Variants in FAM222B observed in about 807,000 individuals in gnomAD.
The protein encoded by FAM222B is family with sequence similarity 222 member B, also known as protein FAM222B.
In FAM222B, 12 loss-of-function variants were observed where a neutral mutation model predicts 38.0. The observed-to-expected ratio is 0.32, with a 90% CI of 0.20 to 0.51. FAM222B has a LOEUF of 0.51. FAM222B is among the 20% of genes least tolerant of loss of function. FAM222B has a pLI of 0.97. For missense variants in FAM222B, 716 were observed against 754.2 expected, an observed-to-expected ratio of 0.95 and a Z score of 0.59; for synonymous variants, 329 against 317.2, an observed-to-expected ratio of 1.04 and a Z score of -0.40.
At chr17:28,851,925 AT>A (rs1469612237) in intron 1 of FAM222B, among the ~76,000 whole-genome samples, 5 of 151,232 alleles carry the variant, frequency 3.3e-5, no homozygotes, top group Non-Finnish European at 7.4e-5. Context: ...GGTCAGGCAC[AT>A]CTGTAGTCCC....
At chr17:28,787,296 T>C (rs1597916094) in intron 1 of FAM222B, among the ~76,000 whole-genome samples, 1 of 152,134 alleles carries the variant, frequency 6.6e-6, no homozygotes, top group East Asian at 1.9e-4. Context: ...TATAAGGTAA[T>C]ACAGAAAGAC....
chr17:28,784,371 G>C (rs1416388245), intron 1 of FAM222B, among the ~76,000 whole-genome samples: 1 of 151,294 alleles, frequency 6.6e-6, no homozygotes, highest in Non-Finnish European at 1.5e-5. Context: ...AACGACTTAG[G>C]AGGCTGAGAG....
intron 1 of FAM222B, among the ~76,000 whole-genome samples, chr17:28,777,332 G>C (rs971955200): frequency 7.9e-5 from 12 of 152,066 alleles, no homozygotes; most frequent in African/African-American, 2.7e-4. Flanking sequence ...TTCCCATCCT[G>C]TTTCCTGTCC....
intron 1 of FAM222B, among the ~76,000 whole-genome samples, chr17:28,786,240 C>T (rs1018615926): frequency 1.3e-5 from 2 of 152,118 alleles, no homozygotes; most frequent in African/African-American, 4.8e-5. Context: ...CATTCTTATG[C>T]TTTGGCTAGC....
In FAM222B at chr17:28,759,060, C is replaced by A. The variant is rs753661690; in HGVS notation, c.899G>T (p.Arg300Leu). 1.2e-6 allele frequency: 2 copies of A among 1,612,230 alleles called. No homozygotes were observed. The highest frequency in any genetic ancestry group is 1.7e-6 in the Non-Finnish European group (2 of 1,179,136). Reference sequence around the variant, plus strand: ...GGTGCTTGCATTGATGAGCAGACTGCGACTAATGGGGCTGGGGTTGGCGAT... The same window carrying A: ...GGTGCTTGCATTGATGAGCAGACTGAGACTAATGGGGCTGGGGTTGGCGAT... ...GQIANPSPIS[R>L]SLLINASTRV... is the part of the protein sequence containing the mutation. Residue 300 changes from arginine (R) to leucine (L), a missense_variant, in exon 3 of 3, where the codon CGC (arginine) becomes CTC (leucine). By Grantham distance (102) the Arg-to-Leu change is moderately radical. Coordinates refer to ENST00000581407, the MANE Select transcript of FAM222B (RefSeq NM_001077498.3). This position sits in a 1 kb window ranked among gnomAD's most constrained non-coding sequence, Gnocchi z 4.8.
At chr17:28,823,096 G>A (rs1234903330) in intron 1 of FAM222B, among the ~76,000 whole-genome samples, 4 of 150,732 alleles carry the variant, frequency 2.7e-5, no homozygotes, top group Non-Finnish European at 5.9e-5. Flanking sequence ...ATACAAACAG[G>A]TAAGTACTTA....
At chr17:28,794,859 G>A (rs1199927306) in intron 1 of FAM222B, among the ~76,000 whole-genome samples, 3 of 152,064 alleles carry the variant, frequency 2.0e-5, no homozygotes, top group Non-Finnish European at 2.9e-5. Flanking sequence ...TCGGGAGGCT[G>A]AGGTGGGCAG....
intron 1 of FAM222B, among the ~76,000 whole-genome samples, chr17:28,809,429 A>G (rs1443673411): frequency 6.6e-6 from 1 of 152,168 alleles, no homozygotes; most frequent in East Asian, 1.9e-4. Context: ...AAAGAAAATT[A>G]AATCAACTGC....
chr17:28,793,804 G>A (rs908085142), intron 1 of FAM222B, among the ~76,000 whole-genome samples: 2 of 148,540 alleles, frequency 1.3e-5, no homozygotes, highest in African/African-American at 5.0e-5. Context: ...GGAGTGCAAT[G>A]GTGCGATACG....
At chr17:28,845,806 A>G (rs994104468), upstream of FAM222B, among the ~76,000 whole-genome samples, 1 of 150,574 alleles carries the variant, frequency 6.6e-6, no homozygotes, top group Non-Finnish European at 1.5e-5. Context: ...GAGGTGGGAC[A>G]ATCAATTGAA....
intron 1 of FAM222B, among the ~76,000 whole-genome samples, chr17:28,833,269 A>ACTGCACT (rs1323758623): frequency 6.6e-6 from 1 of 151,474 alleles, no homozygotes; most frequent in Non-Finnish European, 1.5e-5. Context: ...AGATGGCCCC[A>ACTGCACT]CTGCACTCCA....
chr17:28,854,932 C>A, intron 1 of FAM222B: 1 of 1,351,712 alleles, frequency 7.4e-7, no homozygotes, highest in Non-Finnish European at 9.9e-7. Context: ...TCTCGGCTTT[C>A]AATTTGGGCA....
intron 1 of FAM222B, among the ~76,000 whole-genome samples, chr17:28,836,398 T>C (rs532748913): frequency 7.2e-5 from 11 of 152,060 alleles, no homozygotes; most frequent in African/African-American, 2.6e-4. Context: ...TCCCAGCACT[T>C]TGGGAGGCCA....
upstream of FAM222B, among the ~76,000 whole-genome samples, chr17:28,846,023 G>A (rs2039143160): frequency 6.6e-6 from 1 of 151,102 alleles, no homozygotes; most frequent in African/African-American, 2.4e-5. Flanking sequence ...CTAACACGGT[G>A]AAACCCCGTC....
At chr17:28,828,880 T>A (rs560404003) in intron 1 of FAM222B, among the ~76,000 whole-genome samples, 53 of 151,760 alleles carry the variant, frequency 3.5e-4, no homozygotes, top group Non-Finnish European at 6.8e-4. Flanking sequence ...TTCCTCATAC[T>A]ACCTCTTTGC....
intron 1 of FAM222B, among the ~76,000 whole-genome samples, chr17:28,770,415 G>C (rs2035568541): frequency 1.3e-5 from 2 of 152,068 alleles, no homozygotes; most frequent in African/African-American, 4.8e-5. Flanking sequence ...GGTTCTATCA[G>C]TTTCCTTTTT....
rs1032737024 is a variant in FAM222B at position 28,759,936 on chromosome 17, C to T, written c.83-60G>A. 3.5e-6 allele frequency: 5 copies of T among 1,431,626 alleles called. No individual in the cohort carries two copies. The highest frequency in any genetic ancestry group is 2.5e-5 in the East Asian group (1 of 39,448). 88.7% of individuals were successfully genotyped at this position (1,431,626 alleles called of 1,614,324 possible). A position where few individuals can be genotyped will look rare whatever the true frequency, so the allele number is the denominator to read the frequency against. On this transcript the variant is annotated intron_variant, in intron 2 of 2. Coordinates refer to ENST00000581407, the MANE Select transcript of FAM222B (RefSeq NM_001077498.3). This position sits in a 1 kb window ranked among gnomAD's most constrained non-coding sequence, Gnocchi z 4.8. ...GAGAGGGAGCTCATCAGTGCCAAGGCAAACAGCCCTTCCAGATTCCCCTTT... is the reference window on the plus strand; with the variant it reads ...GAGAGGGAGCTCATCAGTGCCAAGGTAAACAGCCCTTCCAGATTCCCCTTT...
intron 1 of FAM222B, among the ~76,000 whole-genome samples, chr17:28,790,883 A>ATTTTTTTTTTTTTTTTTTTTTTTTTTTT (rs1567838640): frequency 1.1e-4 from 1 of 8,912 alleles, no homozygotes; most frequent in Non-Finnish European, 2.2e-4. Context: ...AAATTGTTTC[A>ATTTTTTTTTTTTTTTTTTTTTTTTTTTT]CTTTTTTTTT....
At chr17:28,783,890 C>T (rs2036274760) in intron 1 of FAM222B, among the ~76,000 whole-genome samples, 1 of 152,000 alleles carries the variant, frequency 6.6e-6, no homozygotes, top group Non-Finnish European at 1.5e-5. Flanking sequence ...CCTCTTCCTC[C>T]TGGGTTCAAG....
Sources: allele counts gnomAD v4.1 joint callset (sites outside exome capture counted in the v4.1 genomes callset), GRCh38; gene constraint gnomAD v4.1.1; non-coding constraint Gnocchi (gnomAD v3.1); transcripts MANE v1.5; gene names NCBI Gene and HGNC (gene_info 2026-07-23, HGNC 2026-07-21).